The following ST8SIA4 variants were observed in gnomAD, a reference collection of about 807,000 sequenced individuals.
The protein encoded by ST8SIA4 is CMP-N-acetylneuraminate-poly-alpha-2,8-sialyltransferase.
A neutral mutation model predicts 33.9 loss-of-function variants in ST8SIA4; 15 were observed. The observed-to-expected ratio is 0.44, with a 90% confidence interval of 0.30 to 0.68. ST8SIA4 has a LOEUF of 0.68. Among genes scored for constraint, ST8SIA4 ranks in the 30% least tolerant of loss-of-function variants. ST8SIA4 has a pLI of 0.10. For missense variants in ST8SIA4, 321 were observed against 428.0 expected (o/e 0.75, Z 2.21); for synonymous variants, 171 against 151.2 (o/e 1.13, Z -0.96).
At chr5:100,819,478 A>C (rs17779731) in intron 4 of ST8SIA4, among the ~76,000 whole-genome samples, 2,559 of 152,286 alleles carry the variant, frequency 0.017, 29 homozygotes, top group Admixed American at 0.026. Context: ...TTGAACACTC[A>C]AAAAAAGGTA....
intron 1 of ST8SIA4, among the ~76,000 whole-genome samples, chr5:100,896,361 C>T (rs1288196160): frequency 6.6e-6 from 1 of 151,870 alleles, no homozygotes; most frequent in Non-Finnish European, 1.5e-5. Context: ...GAGATAAATA[C>T]CTTATAATCG....
intron 1 of ST8SIA4, among the ~76,000 whole-genome samples, chr5:100,901,874 A>G (rs1752925620): frequency 6.6e-6 from 1 of 152,184 alleles, no homozygotes; most frequent in Non-Finnish European, 1.5e-5. Flanking sequence ...ACACATACAC[A>G]CACACGCAAG....
intron 3 of ST8SIA4, among the ~76,000 whole-genome samples, chr5:100,867,769 A>G (rs1183765993): frequency 6.6e-6 from 1 of 151,982 alleles, no homozygotes; most frequent in Non-Finnish European, 1.5e-5. Context: ...AACTTAGTAT[A>G]TATTATTTAT....
intron 4 of ST8SIA4, among the ~76,000 whole-genome samples, chr5:100,822,832 A>G (rs1205142835): frequency 6.6e-6 from 1 of 152,038 alleles, no homozygotes. Flanking sequence ...TGCTGATAAA[A>G]CCGTTTGCAA....
intron 4 of ST8SIA4, among the ~76,000 whole-genome samples, chr5:100,846,897 T>C (rs3776164): frequency 6.6e-6 from 1 of 152,118 alleles, no homozygotes; most frequent in East Asian, 1.9e-4. Context: ...CTATTTATAC[T>C]TCCACATTAC....
chr5:100,872,807 C>A (rs1443173923), intron 3 of ST8SIA4, among the ~76,000 whole-genome samples: 1 of 150,530 alleles, frequency 6.6e-6, no homozygotes, highest in East Asian at 1.9e-4. Context: ...AACTGTCTAA[C>A]TGTAATTTTG....
intron 4 of ST8SIA4, among the ~76,000 whole-genome samples, chr5:100,847,850 A>G (rs1751600784): frequency 6.6e-6 from 1 of 152,210 alleles, no homozygotes; most frequent in Admixed American, 6.5e-5. Context: ...CAGGTAGTTT[A>G]GAAAGGTATG....
chr5:100,867,801 A>G (rs1580471613), intron 3 of ST8SIA4, among the ~76,000 whole-genome samples: 1 of 152,132 alleles, frequency 6.6e-6, no homozygotes, highest in Non-Finnish European at 1.5e-5. Flanking sequence ...TCCCAGAAAG[A>G]CAGTTGGTTT....
At chr5:100,834,287 T>C (rs2112417506) in intron 4 of ST8SIA4, among the ~76,000 whole-genome samples, 1 of 152,226 alleles carries the variant, frequency 6.6e-6, no homozygotes, top group Middle Eastern at 3.4e-3. Flanking sequence ...GCAGAATGCT[T>C]AGAAATTAGA....
At chr5:100,850,954 C>CTTTTTTTTTTTTTTTTTTTTTTTT (rs70987828) in intron 4 of ST8SIA4, among the ~76,000 whole-genome samples, 1 of 75,114 alleles carries the variant, frequency 1.3e-5, no homozygotes, top group Non-Finnish European at 2.5e-5. Context: ...TGTAACCATA[C>CTTTTTTTTTTTTTTTTTTTTTTTT]TTTTTTTTTT....
rs1750746098 is a variant in ST8SIA4 at position 100,808,899 on chromosome 5, A to G, written c.*2948T>C. 1 of 152,640 alleles carries G rather than the reference A, an allele frequency of 6.6e-6. No individual in the cohort carries two copies. Among genetic ancestry groups the G allele is most frequent in the Non-Finnish European group, 1.5e-5 (1 of 68,040 alleles). The allele number at this position is 152,640 out of a possible 1,614,324, so 9.5% of individuals were successfully genotyped here. On this transcript the variant is annotated 3_prime_UTR_variant, in exon 5 of 5. Coordinates refer to ENST00000231461, the MANE Select transcript of ST8SIA4 (RefSeq NM_005668.6). ...ACCCTAAATACCTTTAACTGAATTC[A>G]TTCTTGACTATTGAAATCCCTGAGA... is the stretch of plus-strand genomic sequence containing the variant.
At chr5:100,895,133 A>G (rs772225440) in intron 2 of ST8SIA4, among the ~76,000 whole-genome samples, 2 of 152,028 alleles carry the variant, frequency 1.3e-5, no homozygotes, top group Non-Finnish European at 2.9e-5. Context: ...TAGTCTTACA[A>G]AGAAGAAGTC....
chr5:100,871,824 T>A (rs1442739357), intron 3 of ST8SIA4, among the ~76,000 whole-genome samples: 1 of 152,114 alleles, frequency 6.6e-6, no homozygotes, highest in Non-Finnish European at 1.5e-5. Flanking sequence ...CTGCTGTTAA[T>A]AGGCCTATTA....
intron 4 of ST8SIA4, among the ~76,000 whole-genome samples, chr5:100,833,814 C>A (rs1219240585): frequency 6.6e-6 from 1 of 152,124 alleles, no homozygotes; most frequent in Admixed American, 6.5e-5. Context: ...AGTCCCCTAA[C>A]TCAGTTTTGC....
chr5:100,811,749 G>T lies in ST8SIA4; in HGVS notation c.*98C>A. On this transcript the variant is annotated 3_prime_UTR_variant, in exon 5 of 5. Transcript: ENST00000231461. ...TCCTTTATTCACCTTTCAGTTCATT[G>T]GTGGATGCTGAAACCCAGCCGTGTT... is the stretch of plus-strand genomic sequence containing the variant. 8.2e-7 allele frequency: 1 copy of T among 1,222,458 alleles called. No individual in the cohort carries two copies. Among genetic ancestry groups the T allele is most frequent in the Non-Finnish European group, 1.1e-6 (1 of 883,938 alleles). The allele number at this position is 1,222,458 out of a possible 1,614,324, so 75.7% of individuals were successfully genotyped here.
intron 3 of ST8SIA4, among the ~76,000 whole-genome samples, chr5:100,881,508 T>C (rs1752421404): frequency 6.6e-6 from 1 of 152,176 alleles, no homozygotes; most frequent in Non-Finnish European, 1.5e-5. Flanking sequence ...AGGCAAGGAA[T>C]TTTATCTTTT....
At chr5:100,818,266 T>G (rs1247108188) in intron 4 of ST8SIA4, among the ~76,000 whole-genome samples, 1 of 152,112 alleles carries the variant, frequency 6.6e-6, no homozygotes, top group Non-Finnish European at 1.5e-5. Flanking sequence ...CAACATGGAG[T>G]TAATAGGTGG....
chr5:100,881,296 T>C (rs1173786506), intron 3 of ST8SIA4, among the ~76,000 whole-genome samples: 6 of 152,226 alleles, frequency 3.9e-5, no homozygotes, highest in Admixed American at 2.6e-4. Context: ...CTATTTTGAA[T>C]TGAGAAAGTT....
Position 100,812,041 on chromosome 5 carries a change from G to A in ST8SIA4, c.886C>T (p.His296Tyr). 3 of 1,614,096 alleles carry A rather than the reference G, an allele frequency of 1.9e-6. No homozygotes were observed. Among genetic ancestry groups the A allele is most frequent in the Non-Finnish European group, 2.5e-6 (3 of 1,179,972 alleles). ...GGGAAGGGCCAGAATCCATACAGGT[G>A]AATTTCATCACAGAATCTTGTGGCA... ...TLATRFCDEI[H>Y]LYGFWPFPKD... The change falls in exon 5 of 5, where the codon CAC becomes TAC. Residue 296 changes from histidine to tyrosine, a missense_variant. Physicochemically the swap from His to Tyr is moderately conservative, Grantham distance 83 (BLOSUM62 2). Coordinates refer to ENST00000231461, the MANE Select transcript of ST8SIA4 (RefSeq NM_005668.6).
Sources: gnomAD v4.1 joint callset for allele counts (sites outside exome capture counted in the v4.1 genomes callset) on GRCh38, gnomAD v4.1.1 for gene constraint, MANE v1.5 for transcripts, NCBI Gene and HGNC (gene_info 2026-07-23, HGNC 2026-07-21) for gene names.